The following RGS6 variants were observed in gnomAD, a reference collection of about 807,000 sequenced individuals.
RGS6 encodes regulator of G protein signaling 6, also known as regulator of G-protein signaling 6.
In RGS6, 30 loss-of-function variants were observed where a neutral mutation model predicts 78.5. The observed-to-expected ratio is 0.38, with a 90% CI of 0.29 to 0.52. The LOEUF is 0.52. RGS6 is among the 20% of genes least tolerant of loss of function. The pLI is 0.85. For missense variants in RGS6, 495 were observed against 609.7 expected, an observed-to-expected ratio of 0.81 and a Z score of 1.98; for synonymous variants, 206 against 206.0, an observed-to-expected ratio of 1.00 and a Z score of 0.00.
chr14:72,356,856 AATTAAACAT>A (rs2080407017), intron 3 of RGS6, among the ~76,000 whole-genome samples: 1 of 152,212 alleles, frequency 6.6e-6, no homozygotes, highest in African/African-American at 2.4e-5. Flanking sequence ...ACTGTGAGTC[AATTAAACAT>A]ATGTCCTTTA....
At chr14:72,413,082 G>A (rs1233521445) in intron 3 of RGS6, among the ~76,000 whole-genome samples, 1 of 152,166 alleles carries the variant, frequency 6.6e-6, no homozygotes. Context: ...TGTCTATTAG[G>A]TCCGCTTGGT....
At chr14:72,308,391 C>A (rs962992829) in intron 2 of RGS6, among the ~76,000 whole-genome samples, 3 of 152,302 alleles carry the variant, frequency 2.0e-5, no homozygotes, top group African/African-American at 7.2e-5. Context: ...CAGAAATTGT[C>A]TTTGCCTCCT....
intron 2 of RGS6, among the ~76,000 whole-genome samples, chr14:72,320,224 A>G (rs1030683737): frequency 4.6e-5 from 7 of 152,238 alleles, no homozygotes; most frequent in Non-Finnish European, 7.3e-5. Context: ...TGTAAAAACA[A>G]TAAATAAAAC....
chr14:72,593,362 T>C, the RGS6 span, among the ~76,000 whole-genome samples: 1 of 150,524 alleles, frequency 6.6e-6, no homozygotes, highest in African/African-American at 2.4e-5. Context: ...TTGCTAAAGA[T>C]TCTGGTCGTC....
intron 12 of RGS6, among the ~76,000 whole-genome samples, chr14:72,485,184 A>T (rs183044776): frequency 6.6e-6 from 1 of 152,278 alleles, no homozygotes; most frequent in East Asian, 1.9e-4. Flanking sequence ...GCTCATTGAG[A>T]AATATTGTTC....
chr14:72,082,559 G>A (rs919731964), intron 2 of RGS6, among the ~76,000 whole-genome samples: 2 of 151,852 alleles, frequency 1.3e-5, no homozygotes, highest in Non-Finnish European at 2.9e-5. Flanking sequence ...GTTTAAGGTG[G>A]CAGATATACT....
At chr14:72,399,361 C>T (rs1446760176) in intron 3 of RGS6, among the ~76,000 whole-genome samples, 1 of 151,926 alleles carries the variant, frequency 6.6e-6, no homozygotes, top group Non-Finnish European at 1.5e-5. Flanking sequence ...CAACCCCTGC[C>T]TTTTTTTGTT....
At chr14:72,515,293 G>T (rs2096927217) in intron 14 of RGS6, among the ~76,000 whole-genome samples, 1 of 143,314 alleles carries the variant, frequency 7.0e-6, no homozygotes, top group African/African-American at 2.7e-5. Flanking sequence ...CATGCCTGTT[G>T]TTTTCACTTG....
At chr14:72,264,341 A>G (rs979083100) in intron 2 of RGS6, among the ~76,000 whole-genome samples, 1 of 152,258 alleles carries the variant, frequency 6.6e-6, no homozygotes, top group South Asian at 2.1e-4. Context: ...AAAGTATGTA[A>G]GTAAATCTGT....
chr14:71,902,324 C>G, the RGS6 span, among the ~76,000 whole-genome samples: 288 of 152,256 alleles, frequency 1.9e-3, 4 homozygotes, highest in African/African-American at 6.7e-3. Context: ...ATTTTGGTAA[C>G]TCACTATTTC....
intron 2 of RGS6, among the ~76,000 whole-genome samples, chr14:72,249,808 T>C (rs931062026): frequency 7.9e-5 from 12 of 152,074 alleles, no homozygotes; most frequent in Admixed American, 7.9e-4. Context: ...TATTGCGGCA[T>C]TATTCACAAT....
At position 72,047,789 on chromosome 14, in the gene RGS6, G is replaced by A. The variant is rs1257265694; in HGVS notation, c.84+82914G>A. On this transcript the variant is annotated intron_variant, in intron 2 of 17. Coordinates refer to ENST00000553525, the MANE Select transcript of RGS6 (RefSeq NM_001204424.2). ...GTCACCCAGGCTGGACTGCAATGGCGCGCTCAGTTCACTGCAACCTCTGCC... is the reference window on the plus strand; with the variant it reads ...GTCACCCAGGCTGGACTGCAATGGCACGCTCAGTTCACTGCAACCTCTGCC... 7.9e-5 allele frequency among the ~76,000 whole-genome samples: 12 copies of A among 151,540 alleles called. No homozygotes were observed. In the South Asian group the frequency reaches 1.2e-3, roughly 16 times the overall value.
At chr14:72,399,232 A>G (rs897012262) in intron 3 of RGS6, among the ~76,000 whole-genome samples, 1 of 151,634 alleles carries the variant, frequency 6.6e-6, no homozygotes, top group Non-Finnish European at 1.5e-5. Context: ...GGGTGCATAT[A>G]TATTTAGGAT....
intron 2 of RGS6, among the ~76,000 whole-genome samples, chr14:72,002,375 G>C (rs988580672): frequency 6.6e-6 from 1 of 152,190 alleles, no homozygotes; most frequent in Non-Finnish European, 1.5e-5. Context: ...ATTCTGCTTT[G>C]AGTGGCATTT....
At chr14:72,139,969 G>A (rs1303629605) in intron 2 of RGS6, among the ~76,000 whole-genome samples, 2 of 152,064 alleles carry the variant, frequency 1.3e-5, no homozygotes, top group Non-Finnish European at 2.9e-5. Flanking sequence ...TTTGAGACTT[G>A]TTAAAGAAAC....
In RGS6 at chr14:71,948,424, C is replaced by T. The variant is rs539771263; in HGVS notation, c.-21+15483C>T. On this transcript the variant is annotated intron_variant, in intron 1 of 17. Transcript: ENST00000553525. ...AACCCTGCCATGATGTCATTTTTTG[C>T]ATCACTGTATGTGAGAGGGCTGCAA... 6.6e-5 allele frequency among the ~76,000 whole-genome samples: 10 copies of T among 152,308 alleles called. No homozygotes were observed. In the South Asian group the frequency reaches 2.1e-3, roughly 32 times the overall value.
At chr14:72,423,811 C>T (rs1048277836) in intron 3 of RGS6, among the ~76,000 whole-genome samples, 34 of 152,096 alleles carry the variant, frequency 2.2e-4, no homozygotes, top group African/African-American at 1.4e-4. Flanking sequence ...CATGTACCCC[C>T]GAGCCTAAAA....
At chr14:72,088,773 A>G (rs1287740840) in intron 2 of RGS6, among the ~76,000 whole-genome samples, 1 of 152,068 alleles carries the variant, frequency 6.6e-6, no homozygotes, top group Non-Finnish European at 1.5e-5. Flanking sequence ...GCCCCTGCCT[A>G]TGTTCCCCTC....
At chr14:72,046,529 AGT>A (rs1366928911) in intron 2 of RGS6, among the ~76,000 whole-genome samples, 1 of 152,060 alleles carries the variant, frequency 6.6e-6, no homozygotes, top group African/African-American at 2.4e-5. Flanking sequence ...GAAAGGTACC[AGT>A]GTGTGTGAAA....
Sources: gnomAD v4.1 joint callset for allele counts (sites outside exome capture counted in the v4.1 genomes callset) on GRCh38, gnomAD v4.1.1 for gene constraint, MANE v1.5 for transcripts, NCBI Gene and HGNC (gene_info 2026-07-23, HGNC 2026-07-21) for gene names.